Variants in ANO7 observed in about 807,000 individuals in gnomAD.
ANO7 encodes the protein anoctamin 7, also known as anoctamin-7.
In ANO7, 114 loss-of-function variants were observed where a neutral mutation model predicts 115.8. That is an observed-to-expected ratio of 0.98 (90% CI 0.85 to 1.15). The LOEUF is 1.15. Ranked by LOEUF, ANO7 falls within the 50% of genes most tolerant of loss-of-function variation. The pLI, the probability that ANO7 is intolerant of heterozygous loss-of-function variation, is 0.00. For synonymous variants in ANO7, 550 were observed against 498.2 expected (o/e 1.10, Z -1.38); for missense variants, 1,302 against 1,201.2 (o/e 1.08, Z -1.24).
At chr2:241,217,140 T>G (rs2068850475) in intron 19 of ANO7, among the ~76,000 whole-genome samples, 1 of 152,170 alleles carries the variant, frequency 6.6e-6, no homozygotes, top group South Asian at 2.1e-4. Context: ...GGCAGGCAGC[T>G]CTTAACCTAG....
chr2:241,191,936 C>T (rs1380271473), intron 3 of ANO7, among the ~76,000 whole-genome samples: 5 of 152,186 alleles, frequency 3.3e-5, no homozygotes, highest in Admixed American at 2.0e-4. Flanking sequence ...CCTGGGTGAG[C>T]GCCCACGAGC....
chr2:241,192,556 C>T (rs1051598351), intron 3 of ANO7, among the ~76,000 whole-genome samples: 3 of 152,140 alleles, frequency 2.0e-5, no homozygotes, highest in South Asian at 2.1e-4. Flanking sequence ...ATAGCCATCA[C>T]GTGTCTTTAA....
chr2:241,214,856 A>T lies in ANO7; in HGVS notation c.1780A>T (p.Met594Leu). 1 of 1,612,880 alleles carries T rather than the reference A, an allele frequency of 6.2e-7. No homozygotes were observed. The highest frequency in any genetic ancestry group is 1.7e-4 in the Middle Eastern group (1 of 6,058). The stretch of plus-strand genomic sequence containing the variant: ...GCTGGCACAGGAGCTCCTGGTCATC[A>T]TGGTGGGCAAGCAGGTCATCAACAA... ...IELAQELLVI[M>L]VGKQVINNMQ... Residue 594 changes from methionine to leucine, a missense_variant, in exon 18 of 25, where the codon ATG (methionine) becomes TTG (leucine). Transcript: ENST00000674324.
In ANO7 at chr2:241,193,635, A is replaced by C. The variant is rs188207335; in HGVS notation, c.167-2068A>C. 4.4e-3 allele frequency among the ~76,000 whole-genome samples: 676 copies of C among 152,294 alleles called. 5 individuals are homozygous for C. The highest frequency in any genetic ancestry group is 0.015 in the African/African-American group (633 of 41,552). The stretch of plus-strand genomic sequence containing the variant: ...ATATATTCTATCCTCTGAGAAAATC[A>C]TGCCTTTTATCAATATTAATTGTGC... On this transcript the variant is annotated intron_variant, in intron 3 of 24. Coordinates refer to ENST00000674324, the MANE Select transcript of ANO7 (RefSeq NM_001370694.2).
At chr2:241,233,735 T>C in the ANO7 span, 1 of 1,505,852 alleles carries the variant, frequency 6.6e-7, no homozygotes, top group South Asian at 1.2e-5. This position sits in a 1 kb window ranked among gnomAD's most constrained non-coding sequence, Gnocchi z 4.3. Flanking sequence ...AACCCCCATC[T>C]AGGCACATCT....
the ANO7 span, among the ~76,000 whole-genome samples, chr2:241,237,000 A>G: frequency 6.8e-6 from 1 of 147,306 alleles, no homozygotes; most frequent in South Asian, 2.2e-4. Context: ...GGGGGCGGCA[A>G]TGAAGGCTTT....
At chr2:241,213,444 G>T (rs1165942259) in intron 17 of ANO7, among the ~76,000 whole-genome samples, 1 of 152,246 alleles carries the variant, frequency 6.6e-6, no homozygotes, top group East Asian at 1.9e-4. Flanking sequence ...TCACCTGGTG[G>T]AGGATGAAGC....
intron 13 of ANO7, among the ~76,000 whole-genome samples, 157 bp from the exon 14 acceptor site, chr2:241,210,138 C>T (rs1250152993): frequency 6.6e-6 from 1 of 152,218 alleles, no homozygotes; most frequent in African/African-American, 2.4e-5. Flanking sequence ...AAGGACATAG[C>T]CTGGGAGCAC....
intron 4 of ANO7, among the ~76,000 whole-genome samples, chr2:241,196,532 C>T (rs767829884): frequency 3.3e-5 from 5 of 152,250 alleles, no homozygotes; most frequent in Admixed American, 6.5e-5. Flanking sequence ...ACAGAGTAAT[C>T]GATCCTGAGT....
chr2:241,206,615 C>T (rs1378425330), intron 10 of ANO7, among the ~76,000 whole-genome samples: 1 of 52,640 alleles, frequency 1.9e-5, no homozygotes, highest in Non-Finnish European at 3.6e-5. Context: ...TGCTCCCAGG[C>T]TGACAGGTGG....
At position 241,225,923 on chromosome 2, in the gene ANO7, C is replaced by T. The variant is rs564164777; in HGVS notation, c.*1770C>T. On this transcript the variant is annotated 3_prime_UTR_variant, in exon 25 of 25. Coordinates refer to ENST00000674324, the MANE Select transcript of ANO7 (RefSeq NM_001370694.2). The stretch of plus-strand genomic sequence containing the variant: ...CAGCACAATGCTTACTACAAACCCA[C>T]GTGTACTTCCTTCCAGCTGGTTGCT... 3.3e-5 allele frequency among the ~76,000 whole-genome samples: 5 copies of T among 152,334 alleles called. No individual in the cohort carries two copies. Among genetic ancestry groups the T allele is most frequent in the South Asian group, 2.1e-4 (1 of 4,826 alleles).
downstream of ANO7, chr2:241,227,987 T>C (rs757033137): frequency 1.3e-5 from 2 of 152,246 alleles, no homozygotes; most frequent in Non-Finnish European, 2.9e-5. Flanking sequence ...AACAGGCCCA[T>C]TCAGGGCTGC....
the ANO7 span, among the ~76,000 whole-genome samples, chr2:241,237,103 T>G: frequency 6.6e-6 from 1 of 151,822 alleles, no homozygotes; most frequent in Non-Finnish European, 1.5e-5. Flanking sequence ...TGAGATCAGA[T>G]GAGTTAGTTC....
chr2:241,220,992 GA>G (rs945552087), intron 21 of ANO7, among the ~76,000 whole-genome samples: 1 of 151,438 alleles, frequency 6.6e-6, no homozygotes, highest in African/African-American at 2.4e-5. Flanking sequence ...AAGAAAAAAA[GA>G]AAAAAGCACT....
chr2:241,194,387 TC>T, intron 3 of ANO7, among the ~76,000 whole-genome samples: 1 of 150,698 alleles, frequency 6.6e-6, no homozygotes, highest in South Asian at 2.1e-4. Flanking sequence ...TGATCTCAGC[TC>T]ACTGCAAGCT....
chr2:241,198,259 C>T (rs754335769), intron 4 of ANO7, among the ~76,000 whole-genome samples: 3 of 152,182 alleles, frequency 2.0e-5, no homozygotes, highest in African/African-American at 4.8e-5. Context: ...CTCCCTGCCC[C>T]GCTCTCCCTG....
intron 3 of ANO7, among the ~76,000 whole-genome samples, chr2:241,194,767 G>A (rs898045281): frequency 2.6e-5 from 4 of 152,236 alleles, no homozygotes; most frequent in African/African-American, 9.7e-5. Flanking sequence ...CCATAGGAAT[G>A]TATATCATAG....
intron 21 of ANO7, among the ~76,000 whole-genome samples, chr2:241,220,116 T>A (rs1295693370): frequency 6.6e-6 from 1 of 152,256 alleles, no homozygotes; most frequent in Admixed American, 6.5e-5. Context: ...GTTACAGTAA[T>A]TTCTTATGTA....
At position 241,222,489 on chromosome 2, in the gene ANO7, G is replaced by A. The variant is rs111626604; in HGVS notation, c.2322-697G>A. Among the ~76,000 whole-genome samples, 1,005 of 151,906 alleles carry A rather than the reference G, an allele frequency of 6.6e-3. 11 individuals carry two copies. Among genetic ancestry groups the A allele is most frequent in the African/African-American group, 0.023 (942 of 41,408 alleles). On this transcript the variant is annotated intron_variant, in intron 21 of 24. Coordinates refer to ENST00000674324, the MANE Select transcript of ANO7 (RefSeq NM_001370694.2). ...CGTCGTCACTGTCTCCCAGTCCCCA[G>A]TCTCTCTTCTGCTGTGTCTGGCCAC...
Sources: allele counts gnomAD v4.1 joint callset (sites outside exome capture counted in the v4.1 genomes callset), GRCh38; gene constraint gnomAD v4.1.1; non-coding constraint Gnocchi (gnomAD v3.1); transcripts MANE v1.5; gene names NCBI Gene and HGNC (gene_info 2026-07-23, HGNC 2026-07-21).